DCUN1D4: variants seen among roughly 807,000 people sequenced by gnomAD.
The protein encoded by DCUN1D4 is DCN1-like protein 4.
A neutral mutation model predicts 47.9 loss-of-function variants in DCUN1D4; 22 were observed. That is an observed-to-expected ratio of 0.46 (90% CI 0.33 to 0.66). The LOEUF (loss-of-function observed/expected upper bound fraction) is 0.66. DCUN1D4 is among the 30% of genes least tolerant of loss of function. The pLI, the probability that DCUN1D4 is intolerant of heterozygous loss-of-function variation, is 0.02. For synonymous variants in DCUN1D4, 121 were observed against 112.2 expected (o/e 1.08, Z -0.50); for missense variants, 301 against 340.8 (o/e 0.88, Z 0.92).
intron 1 of DCUN1D4, among the ~76,000 whole-genome samples, chr4:51,857,164 C>T (rs1203125647): frequency 2.0e-5 from 3 of 152,186 alleles, no homozygotes; most frequent in East Asian, 1.9e-4. Context: ...GTTAGTGAGA[C>T]AACTGAAATT....
chr4:51,887,103 ATTGC>A (rs1287229442), intron 6 of DCUN1D4: 3 of 444,324 alleles, frequency 6.8e-6, no homozygotes, highest in Non-Finnish European at 8.9e-6. Flanking sequence ...CTCAGAAGTG[ATTGC>A]TTTTTTTTTT....
intron 8 of DCUN1D4, among the ~76,000 whole-genome samples, chr4:51,901,905 A>C (rs533876187): frequency 5.0e-4 from 76 of 152,314 alleles, no homozygotes; most frequent in African/African-American, 1.6e-3. Context: ...TAGCTAAAAT[A>C]TGCTCTAAGA....
At chr4:51,874,156 A>G (rs187515775) in intron 3 of DCUN1D4, 115 bp from the exon 4 acceptor site, 2 of 547,034 alleles carry the variant, frequency 3.7e-6, no homozygotes, top group Non-Finnish European at 3.0e-6. Context: ...TTTAACATCT[A>G]AATTCCTTAC....
intron 5 of DCUN1D4, among the ~76,000 whole-genome samples, chr4:51,879,461 G>A (rs767323811): frequency 1.3e-5 from 2 of 152,144 alleles, no homozygotes; most frequent in Non-Finnish European, 2.9e-5. Flanking sequence ...CAAAAAACTA[G>A]CCAGTTGTGG....
At chr4:51,848,107 TTTC>T (rs1251836805) in intron 1 of DCUN1D4, 9 of 909,356 alleles carry the variant, frequency 9.9e-6, no homozygotes, top group Non-Finnish European at 1.3e-5. Flanking sequence ...TCTTTAGATT[TTTC>T]TTCAAGGAAC....
chr4:51,834,086 C>CTTTTTTTT, the DCUN1D4 span, among the ~76,000 whole-genome samples: 1 of 47,004 alleles, frequency 2.1e-5, no homozygotes, highest in Non-Finnish European at 3.6e-5. Context: ...CTCTCTCTCT[C>CTTTTTTTT]TTTTCTTTTC....
chr4:51,897,046 A>G (rs774310082), intron 7 of DCUN1D4, among the ~76,000 whole-genome samples: 2 of 152,142 alleles, frequency 1.3e-5, no homozygotes, highest in Non-Finnish European at 2.9e-5. Flanking sequence ...GCCTTTGCCT[A>G]TGCTGTTCCT....
At position 51,915,181 on chromosome 4, in the gene DCUN1D4, A is replaced by G. The variant is rs1184902306; in HGVS notation, c.*1597A>G. 1.3e-5 allele frequency: 2 copies of G among 152,596 alleles called. No homozygotes were observed. The highest frequency in any genetic ancestry group is 2.9e-5 in the Non-Finnish European group (2 of 68,032). The allele number at this position is 152,596 out of a possible 1,614,324, so 9.5% of individuals were successfully genotyped here. A position where few individuals can be genotyped will look rare whatever the true frequency, so the allele number is the denominator to read the frequency against. Reference sequence around the variant, plus strand: ...TACCATTTCTTTGCAAACAGTGTTCACATTTTCATATTTTTTCCCTAACTA... The same window carrying G: ...TACCATTTCTTTGCAAACAGTGTTCGCATTTTCATATTTTTTCCCTAACTA... On this transcript the variant is annotated 3_prime_UTR_variant, in exon 11 of 11. Transcript: ENST00000334635.
At chr4:51,843,523 A>G in intron 1 of DCUN1D4, 4 of 1,222,302 alleles carry the variant, frequency 3.3e-6, no homozygotes, top group Non-Finnish European at 4.1e-6. Flanking sequence ...GCTCTCTTTC[A>G]GTGTTGGGGG....
chr4:51,890,722 T>A (rs1374985938), intron 6 of DCUN1D4, among the ~76,000 whole-genome samples: 2 of 152,248 alleles, frequency 1.3e-5, no homozygotes, highest in African/African-American at 2.4e-5. Context: ...CCTCCTGTCC[T>A]AATCAGGCAT....
upstream of DCUN1D4, among the ~76,000 whole-genome samples, chr4:51,838,323 T>C (rs552631435): frequency 1.4e-4 from 22 of 152,272 alleles, no homozygotes; most frequent in African/African-American, 4.8e-4. Context: ...TATAGATCTA[T>C]AAAAGGAGCC....
intron 1 of DCUN1D4, chr4:51,844,888 A>C (rs1215577278): frequency 1.0e-6 from 1 of 985,038 alleles, no homozygotes; most frequent in Non-Finnish European, 1.2e-6. Flanking sequence ...CTGCTCGGCC[A>C]ACTCGTGCTT....
rs375317650 is a variant in DCUN1D4 at position 51,911,078 on chromosome 4, C to G, written c.624C>G (p.Asp208Glu). 12 of 1,613,496 alleles carry G rather than the reference C, an allele frequency of 7.4e-6. No individual in the cohort carries two copies. Among genetic ancestry groups the G allele is most frequent in the Non-Finnish European group, 1.0e-5 (12 of 1,179,748 alleles). Residue 208 changes from aspartate (D) to glutamate (E), a missense_variant, in exon 9 of 11, where the codon GAC (aspartate) becomes GAG (glutamate). Asp to Glu is a conservative substitution (Grantham distance 45). This residue lies in a region of DCUN1D4 where 170 missense variants were observed against 234.5 expected (regional missense o/e 0.73). Coordinates refer to ENST00000334635, the MANE Select transcript of DCUN1D4 (RefSeq NM_001040402.3). ...RYAFDFAREKDQRSLDINTAK... is the reference protein window; with the variant it reads ...RYAFDFAREKEQRSLDINTAK... The stretch of plus-strand genomic sequence containing the variant: ...TTTTGTTTGTTAAACAGGAAAAGGA[C>G]CAGCGCAGCCTAGACATAAACACTG...
intron 7 of DCUN1D4, among the ~76,000 whole-genome samples, chr4:51,894,598 TG>T (rs1360377415): frequency 2.0e-5 from 3 of 152,148 alleles, no homozygotes; most frequent in African/African-American, 7.2e-5. Context: ...AAATAAGCAT[TG>T]TATTTGTGAA....
At chr4:51,905,035 G>C (rs2110117545) in intron 8 of DCUN1D4, among the ~76,000 whole-genome samples, 1 of 152,132 alleles carries the variant, frequency 6.6e-6, no homozygotes, top group Admixed American at 6.5e-5. Context: ...TGATAAAATA[G>C]CCCCTTTAAC....
chr4:51,852,164 C>T (rs1723473238), intron 1 of DCUN1D4, among the ~76,000 whole-genome samples: 1 of 152,110 alleles, frequency 6.6e-6, no homozygotes, highest in Admixed American at 6.6e-5. Flanking sequence ...TCTTCTTCAT[C>T]CCCTCTCATT....
chr4:51,912,928 A>G (rs1733916116), intron 9 of DCUN1D4, among the ~76,000 whole-genome samples: 1 of 152,232 alleles, frequency 6.6e-6, no homozygotes, highest in Non-Finnish European at 1.5e-5. Flanking sequence ...AGTGCTTCAC[A>G]TAAATTAGTA....
chr4:51,862,910 C>A (rs1725294955), intron 1 of DCUN1D4, among the ~76,000 whole-genome samples: 1 of 152,068 alleles, frequency 6.6e-6, no homozygotes, highest in East Asian at 1.9e-4. Context: ...AGCTACCATG[C>A]AGGCTCAGGC....
At chr4:51,852,289 GTCT>G (rs1362899857) in intron 1 of DCUN1D4, among the ~76,000 whole-genome samples, 1 of 152,124 alleles carries the variant, frequency 6.6e-6, no homozygotes, top group African/African-American at 2.4e-5. Context: ...GTCATTTTTA[GTCT>G]TCTTAGATTT....
Sources: gnomAD v4.1 joint callset for allele counts (sites outside exome capture counted in the v4.1 genomes callset) on GRCh38, gnomAD v4.1.1 for gene constraint, gnomAD v4.1.1 regional missense constraint, MANE v1.5 for transcripts, NCBI Gene and HGNC (gene_info 2026-07-23, HGNC 2026-07-21) for gene names.